The following TP73 variants were observed in gnomAD, a reference collection of about 807,000 sequenced individuals.
The protein encoded by TP73 is p53-like transcription factor.
Under a neutral mutation model 62.5 loss-of-function variants are expected in TP73, and 25 were observed. That is an observed-to-expected ratio of 0.40 (90% CI 0.29 to 0.56). The LOEUF is 0.56. Ranked by LOEUF, TP73 falls within the 20% of genes least tolerant of loss-of-function variation. TP73 has a pLI of 0.46. For missense variants in TP73, 754 were observed against 913.3 expected, an observed-to-expected ratio of 0.83 and a Z score of 2.25; for synonymous variants, 423 against 377.5, an observed-to-expected ratio of 1.12 and a Z score of -1.40.
chr1:3,727,042 C>A, intron 6 of TP73, 73 bp from the exon 7 acceptor site: 1 of 1,326,810 alleles, frequency 7.5e-7, no homozygotes, highest in Non-Finnish European at 1.1e-6. Context: ...AGACATGGAG[C>A]TGGGGGCTGC....
rs749264646 is a variant in TP73 at position 3,730,011 on chromosome 1, A to G, written c.1208A>G (p.Gln403Arg). 101 of 1,593,960 alleles carry G rather than the reference A, an allele frequency of 6.3e-5. 4 individuals are homozygous for G. In the Middle Eastern group the frequency reaches 1.3e-3, roughly 21 times the overall value. The change falls in exon 11 of 14, where the codon CAG becomes CGG. Residue 403 changes from glutamine (Q) to arginine (R), a missense_variant. By Grantham distance (43) the Gln-to-Arg change is conservative (BLOSUM62 1). Transcript: ENST00000378295. ...TTGCTTCTGAGCAGGAGTCACCTAC[A>G]GCCCCCGTCCTACGGGCCGGTCCTC... ...QQLLQRPSHL[Q>R]PPSYGPVLSP...
At chr1:3,721,197 G>A (rs1641039834) in intron 4 of TP73, among the ~76,000 whole-genome samples, 1 of 152,244 alleles carries the variant, frequency 6.6e-6, no homozygotes, top group Non-Finnish European at 1.5e-5. Flanking sequence ...TCCTCAGATG[G>A]GCAGCCGGGC....
Position 3,723,431 on chromosome 1 carries a change from G to A in TP73, c.694G>A (p.Gly232Ser), listed in dbSNP as rs778251633. ...LSQYVDDPVT[G>S]RQSVVVPYEP... ...GCAGTATGTGGATGACCCTGTCACC[G>A]GCAGGCAGAGCGTCGTGGTGCCCTA... Residue 232 changes from glycine (G) to serine (S), a missense_variant, in exon 6 of 14, where the codon GGC becomes AGC. Physicochemically the swap from Gly to Ser is moderately conservative, Grantham distance 56. Around this residue, in one of 3 missense-constraint regions of TP73, gnomAD observed 61 missense variants for 133.2 expected, o/e 0.46. Coordinates refer to ENST00000378295, the MANE Select transcript of TP73 (RefSeq NM_005427.4). 8 of 1,612,532 alleles carry A rather than the reference G, an allele frequency of 5.0e-6. No individual in the cohort carries two copies. Among genetic ancestry groups the A allele is most frequent in the South Asian group, 1.1e-5 (1 of 91,066 alleles).
intron 1 of TP73, among the ~76,000 whole-genome samples, chr1:3,677,851 G>A (rs1318481993): frequency 6.6e-6 from 1 of 151,928 alleles, no homozygotes; most frequent in Middle Eastern, 3.2e-3. Context: ...ATGCCATCAC[G>A]CCCTCATGCC....
rs1257875974 is a variant in TP73 at position 3,672,211 on chromosome 1, G to A, written c.-33-10122G>A. Among the ~76,000 whole-genome samples, 1 of 152,146 alleles carries A rather than the reference G, an allele frequency of 6.6e-6. No homozygotes were observed. Among genetic ancestry groups the A allele is most frequent in the African/African-American group, 2.4e-5 (1 of 41,414 alleles). On this transcript the variant is annotated intron_variant, in intron 1 of 13. Transcript: ENST00000378295. The surrounding 1 kb of genome is among the most constrained non-coding windows in gnomAD (Gnocchi z 5.3). ...AGCATCCCCACCAAGGGTGTCCAGA[G>A]GAGGGTGGCCAGGTGGGGACAGCAG...
rs762748826 is a variant in TP73 at position 3,729,418 on chromosome 1, A to G, written c.1166A>G (p.Tyr389Cys). The change falls in exon 10 of 14, where the codon TAT becomes TGT. Residue 389 changes from tyrosine to cysteine, a missense_variant. Physicochemically the swap from Tyr to Cys is radical, Grantham distance 194. This residue lies in a region of TP73 where 458 missense variants were observed against 528.7 expected (regional missense o/e 0.87). Transcript: ENST00000378295. Reference sequence around the variant, plus strand: ...GTGCCGCAGCCACTGGTGGACTCCTATCGGCAGCAGCAGCAGCTCCTACAG... The same window carrying G: ...GTGCCGCAGCCACTGGTGGACTCCTGTCGGCAGCAGCAGCAGCTCCTACAG... ...ELVPQPLVDS[Y>C]RQQQQLLQRP... 1 of 1,612,900 alleles carries G rather than the reference A, an allele frequency of 6.2e-7. No homozygotes were observed. The highest frequency in any genetic ancestry group is 2.2e-5 in the East Asian group (1 of 44,872).
intron 6 of TP73, among the ~76,000 whole-genome samples, chr1:3,724,207 G>A (rs1425364358): frequency 3.9e-5 from 6 of 152,118 alleles, no homozygotes; most frequent in South Asian, 4.1e-4. Context: ...AGGGTTTGAA[G>A]TTACTGCGGG....
intron 4 of TP73, among the ~76,000 whole-genome samples, chr1:3,717,357 C>A (rs567787658): frequency 6.6e-6 from 1 of 152,164 alleles, no homozygotes; most frequent in Non-Finnish European, 1.5e-5. Flanking sequence ...GGAGAGGAGC[C>A]GGCAGCGTGG....
intron 1 of TP73, among the ~76,000 whole-genome samples, chr1:3,669,329 G>T (rs1038981164): frequency 6.6e-6 from 1 of 152,222 alleles, no homozygotes; most frequent in Admixed American, 6.5e-5. Context: ...AGGCCAGGGT[G>T]GGGAGGCCTT....
At chr1:3,695,095 G>A (rs1361811922) in intron 3 of TP73, among the ~76,000 whole-genome samples, 3 of 152,216 alleles carry the variant, frequency 2.0e-5, no homozygotes, top group Non-Finnish European at 2.9e-5. Context: ...CTGAGTCTGC[G>A]GCTCCCACGG....
intron 10 of TP73, 180 bp from the exon 11 acceptor site, chr1:3,729,820 C>A: frequency 1.1e-6 from 1 of 944,362 alleles, no homozygotes; most frequent in Non-Finnish European, 1.6e-6. Context: ...CCTTCTCAGG[C>A]GCAGGCCCAG....
At chr1:3,697,106 G>C (rs1437578166) in intron 3 of TP73, among the ~76,000 whole-genome samples, 2 of 151,436 alleles carry the variant, frequency 1.3e-5, no homozygotes, top group African/African-American at 4.8e-5. Flanking sequence ...CCATGCCTGA[G>C]GTCCTGTGAA....
Position 3,727,356 on chromosome 1 carries a change from G to A in TP73, c.842+132G>A, listed in dbSNP as rs549894038. 20 of 1,024,964 alleles carry A rather than the reference G, an allele frequency of 2.0e-5. No individual in the cohort carries two copies. In the Middle Eastern group the frequency reaches 9.1e-4, roughly 46 times the overall value. 63.5% of individuals were successfully genotyped at this position (1,024,964 alleles called of 1,614,324 possible). A position where few individuals can be genotyped will look rare whatever the true frequency, so the allele number is the denominator to read the frequency against. ...AGAGACTTTGGGGTGTGCTGCTGGAGGAAGGAACCGCCCCCTGGCCTGCAG... is the reference window on the plus strand; with the variant it reads ...AGAGACTTTGGGGTGTGCTGCTGGAAGAAGGAACCGCCCCCTGGCCTGCAG... On this transcript the variant is annotated intron_variant, in intron 7 of 13. Transcript: ENST00000378295.
chr1:3,732,092 G>A (rs1475234747), intron 13 of TP73, among the ~76,000 whole-genome samples: 2 of 152,186 alleles, frequency 1.3e-5, no homozygotes, highest in Admixed American at 6.5e-5. Context: ...AGCCTAGGAC[G>A]GTGTGAACCA....
chr1:3,722,102 C>G lies in TP73; in HGVS notation c.511C>G (p.Pro171Ala), dbSNP rs1400421714. The change falls in exon 5 of 14, where the codon CCA becomes GCA. Residue 171 changes from proline (P) to alanine (A), a missense_variant. Coordinates refer to ENST00000378295, the MANE Select transcript of TP73 (RefSeq NM_005427.4). ...IQIKVSTPPP[P>A]GTAIRAMPVY... is the part of the protein sequence containing the mutation. ...GATCAAGGTGTCCACCCCGCCACCC[C>G]CAGGCACCGCCATCCGGGCCATGCC... is the stretch of plus-strand genomic sequence containing the variant. 1.9e-6 allele frequency: 3 copies of G among 1,612,960 alleles called. No individual in the cohort carries two copies. Among genetic ancestry groups the G allele is most frequent in the Non-Finnish European group, 2.5e-6 (3 of 1,179,838 alleles).
intron 9 of TP73, among the ~76,000 whole-genome samples, chr1:3,728,543 C>G (rs1174762103): frequency 6.6e-6 from 1 of 152,236 alleles, no homozygotes; most frequent in Non-Finnish European, 1.5e-5. Flanking sequence ...AGGACCCTAA[C>G]GTTGGCCAGG....
chr1:3,662,795 A>T lies in TP73; in HGVS notation c.-34+10154A>T, dbSNP rs1475262576. ...AGAGGGGCCTCTATGGGCCTTGGAG[A>T]TGGAATCAGCTCCCCACCAGGCCCC... On this transcript the variant is annotated intron_variant, in intron 1 of 13. Coordinates refer to ENST00000378295, the MANE Select transcript of TP73 (RefSeq NM_005427.4). The surrounding 1 kb of genome is among the most constrained non-coding windows in gnomAD (Gnocchi z 4.4). 1.3e-5 allele frequency among the ~76,000 whole-genome samples: 2 copies of T among 151,988 alleles called. No individual in the cohort carries two copies. Among genetic ancestry groups the T allele is most frequent in the Non-Finnish European group, 2.9e-5 (2 of 67,978 alleles).
intron 3 of TP73, among the ~76,000 whole-genome samples, chr1:3,692,878 C>A (rs1269659456): frequency 2.0e-5 from 3 of 152,116 alleles, no homozygotes; most frequent in Non-Finnish European, 2.9e-5. Flanking sequence ...GGCCTGCAGA[C>A]CCTCACTGCC....
chr1:3,714,814 C>T (rs556075398), intron 4 of TP73, among the ~76,000 whole-genome samples: 7 of 152,338 alleles, frequency 4.6e-5, no homozygotes, highest in East Asian at 3.9e-4. Context: ...TTTGTCTCTG[C>T]GGACCCAGGG....
Sources: allele counts gnomAD v4.1 joint callset (sites outside exome capture counted in the v4.1 genomes callset), GRCh38; gene constraint gnomAD v4.1.1; regional missense constraint gnomAD v4.1.1; non-coding constraint Gnocchi (gnomAD v3.1); transcripts MANE v1.5; gene names NCBI Gene and HGNC (gene_info 2026-07-23, HGNC 2026-07-21).